Variants in RGS20 observed in about 807,000 individuals in gnomAD.
RGS20 encodes gz-selective GTPase-activating protein.
A neutral mutation model predicts 33.6 loss-of-function variants in RGS20; 30 were observed. The observed-to-expected ratio is 0.89, with a 90% CI of 0.67 to 1.21. The LOEUF (loss-of-function observed/expected upper bound fraction) is 1.21. Ranked by LOEUF, RGS20 falls within the 50% of genes most tolerant of loss-of-function variation. RGS20 has a pLI of 0.00. For missense variants in RGS20, 472 were observed against 502.4 expected (o/e 0.94, Z 0.58); for synonymous variants, 208 against 197.9 (o/e 1.05, Z -0.43).
At chr8:53,886,296 A>G (rs774153318) in intron 2 of RGS20, among the ~76,000 whole-genome samples, 2 of 152,194 alleles carry the variant, frequency 1.3e-5, no homozygotes, top group Non-Finnish European at 2.9e-5. Context: ...GAGGCCATTC[A>G]CAATCAAGTT....
chr8:53,864,582 G>A (rs1811881478), intron 1 of RGS20, among the ~76,000 whole-genome samples: 1 of 152,068 alleles, frequency 6.6e-6, no homozygotes, highest in Non-Finnish European at 1.5e-5. Flanking sequence ...TCCCATAATA[G>A]TTGTTAATCT....
At chr8:53,872,423 T>C (rs536095987) in intron 1 of RGS20, among the ~76,000 whole-genome samples, 1 of 152,318 alleles carries the variant, frequency 6.6e-6, no homozygotes, top group South Asian at 2.1e-4. Context: ...ATTCAGGCTA[T>C]ATGGACCCTT....
chr8:53,958,028 C>T (rs997257939), intron 5 of RGS20, among the ~76,000 whole-genome samples: 19 of 151,844 alleles, frequency 1.3e-4, no homozygotes, highest in Admixed American at 7.2e-4. Flanking sequence ...CCCAGCTACT[C>T]GGGAGGCTGA....
intron 2 of RGS20, among the ~76,000 whole-genome samples, chr8:53,930,307 G>A (rs974259092): frequency 6.6e-6 from 1 of 152,208 alleles, no homozygotes; most frequent in African/African-American, 2.4e-5. Flanking sequence ...TATCATTTAT[G>A]ACAGCAGCAA....
chr8:53,933,733 C>T (rs78440985), intron 2 of RGS20: 7,667 of 152,546 alleles, frequency 0.05, 488 homozygotes, highest in African/African-American at 0.15. Context: ...GAGAGGCCAA[C>T]GTTCAAACTC....
chr8:53,919,811 A>G (rs549507598), intron 2 of RGS20, among the ~76,000 whole-genome samples: 1 of 152,264 alleles, frequency 6.6e-6, no homozygotes, highest in African/African-American at 2.4e-5. Flanking sequence ...TCTGTACATT[A>G]ACTTGAGGAA....
rs546804507 is a variant in RGS20, at chr8:53,958,634, T to C, written c.*176T>C. 106 of 347,220 alleles carry C rather than the reference T, an allele frequency of 3.1e-4. 1 individual carries two copies. Among genetic ancestry groups the C allele is most frequent in the East Asian group, 2.8e-3 (63 of 22,178 alleles). The allele number at this position is 347,220 out of a possible 1,614,324, so 21.5% of individuals were successfully genotyped here. ...ATTCACCATGTAAACTGCAGCCACCTTTAGTGATACTTTTGAAAAAAAAAA... is the reference window on the plus strand; with the variant it reads ...ATTCACCATGTAAACTGCAGCCACCCTTAGTGATACTTTTGAAAAAAAAAA... On this transcript the variant is annotated 3_prime_UTR_variant, in exon 6 of 6. Coordinates refer to ENST00000297313, the MANE Select transcript of RGS20 (RefSeq NM_170587.4).
intron 1 of RGS20, among the ~76,000 whole-genome samples, chr8:53,853,340 A>C (rs1214658469): frequency 6.6e-6 from 1 of 152,226 alleles, no homozygotes; most frequent in Admixed American, 6.5e-5. Flanking sequence ...AGTGGAATCA[A>C]AGACAAATAA....
At chr8:53,852,709 A>G (rs1811593157) in intron 1 of RGS20, among the ~76,000 whole-genome samples, 3 of 152,230 alleles carry the variant, frequency 2.0e-5, no homozygotes, top group Non-Finnish European at 4.4e-5. Context: ...GTTACTTGGC[A>G]TAGAATATGG....
intron 1 of RGS20, among the ~76,000 whole-genome samples, chr8:53,861,117 T>A (rs1366868982): frequency 6.6e-6 from 1 of 152,254 alleles, no homozygotes; most frequent in African/African-American, 2.4e-5. Context: ...TAGACAGCCC[T>A]GATTTAGATA....
At chr8:53,930,325 C>G (rs1217074154) in intron 2 of RGS20, among the ~76,000 whole-genome samples, 1 of 152,114 alleles carries the variant, frequency 6.6e-6, no homozygotes, top group Admixed American at 6.5e-5. Flanking sequence ...CAAAAATCAG[C>G]CTACAAAATA....
chr8:53,950,614 T>C (rs1434709330), intron 4 of RGS20, among the ~76,000 whole-genome samples: 1 of 151,556 alleles, frequency 6.6e-6, no homozygotes, highest in Non-Finnish European at 1.5e-5. Context: ...TTGACATTAA[T>C]GTTTTGTTTT....
intron 2 of RGS20, among the ~76,000 whole-genome samples, chr8:53,895,702 T>C (rs1208699561): frequency 7.3e-5 from 11 of 151,282 alleles, no homozygotes; most frequent in Admixed American, 7.2e-4. Flanking sequence ...TGGAGTGCAG[T>C]GGCGGGATCT....
chr8:53,947,539 T>A (rs893406029), intron 4 of RGS20, among the ~76,000 whole-genome samples: 17 of 136,532 alleles, frequency 1.2e-4, no homozygotes, highest in African/African-American at 3.7e-4. Context: ...TAGGATATAG[T>A]ATATACATTT....
chr8:53,938,518 T>G (rs908614373), intron 2 of RGS20, among the ~76,000 whole-genome samples: 1 of 152,186 alleles, frequency 6.6e-6, no homozygotes, highest in Non-Finnish European at 1.5e-5. Context: ...TTTGCACATG[T>G]GTCCCAGAAC....
rs181107050 is a variant in RGS20, at chr8:53,918,357, G to A, written c.511-21219G>A. Among the ~76,000 whole-genome samples the A allele has an allele frequency of 6.6e-5, 10 of 151,354 alleles. No individual in the cohort carries two copies. The East Asian group carries it at 7.8e-4, about 12-fold the overall frequency. ...TATGTAGCCTTTTGTGTCTGCCTTC[G>A]TTCACTTCACTTCACATATTTTCTT... On this transcript the variant is annotated intron_variant, in intron 2 of 5. Coordinates refer to ENST00000297313, the MANE Select transcript of RGS20 (RefSeq NM_170587.4).
chr8:53,869,669 G>T (rs1277012759), intron 1 of RGS20, among the ~76,000 whole-genome samples: 1 of 152,068 alleles, frequency 6.6e-6, no homozygotes, highest in Non-Finnish European at 1.5e-5. Flanking sequence ...GCACAAGAGA[G>T]ACTCAGTCTC....
intron 2 of RGS20, among the ~76,000 whole-genome samples, chr8:53,915,933 A>G (rs1023956595): frequency 6.6e-6 from 1 of 152,066 alleles, no homozygotes; most frequent in African/African-American, 2.4e-5. Flanking sequence ...TAGATTCACT[A>G]TTGTTTCTTG....
intron 2 of RGS20, among the ~76,000 whole-genome samples, chr8:53,939,141 TG>T (rs1225010994): frequency 1.3e-5 from 2 of 152,182 alleles, no homozygotes; most frequent in African/African-American, 4.8e-5. Flanking sequence ...GCCCTTCCCA[TG>T]TTGACCTCCT....
Sources: allele counts gnomAD v4.1 joint callset (sites outside exome capture counted in the v4.1 genomes callset), GRCh38; gene constraint gnomAD v4.1.1; transcripts MANE v1.5; gene names NCBI Gene and HGNC (gene_info 2026-07-23, HGNC 2026-07-21).